Variants in ZFAND3 observed in about 807,000 individuals in gnomAD.
The protein encoded by ZFAND3 is zinc finger AN1-type containing 3, also known as AN1-type zinc finger protein 3.
In ZFAND3, 10 loss-of-function variants were observed where a neutral mutation model predicts 29.6. The observed-to-expected ratio is 0.34, with a 90% CI of 0.21 to 0.57. The LOEUF is 0.57. Ranked by LOEUF, ZFAND3 falls within the 20% of genes least tolerant of loss-of-function variation. The pLI is 0.86. For missense variants in ZFAND3, 230 were observed against 304.5 expected (o/e 0.76, Z 1.82); for synonymous variants, 128 against 112.6 (o/e 1.14, Z -0.87).
intron 2 of ZFAND3, among the ~76,000 whole-genome samples, chr6:37,994,915 T>TG (rs893924840): frequency 5.3e-5 from 8 of 152,112 alleles, no homozygotes; most frequent in African/African-American, 1.9e-4. Flanking sequence ...TTATCCGGGG[T>TG]GGGGGTAAAG....
At chr6:37,962,640 C>T (rs111785551) in intron 2 of ZFAND3, among the ~76,000 whole-genome samples, 9 of 152,034 alleles carry the variant, frequency 5.9e-5, no homozygotes, top group Non-Finnish European at 1.2e-4. Context: ...CCAATCAGCG[C>T]TCTGTGTCTA....
At chr6:37,839,942 T>G (rs188433861) in intron 1 of ZFAND3, among the ~76,000 whole-genome samples, 1 of 152,234 alleles carries the variant, frequency 6.6e-6, no homozygotes, top group East Asian at 1.9e-4. Flanking sequence ...CACAAAAGTT[T>G]TAATTTTGAT....
intron 1 of ZFAND3, among the ~76,000 whole-genome samples, chr6:37,871,058 A>G (rs1764687303): frequency 6.6e-6 from 1 of 152,124 alleles, no homozygotes; most frequent in Non-Finnish European, 1.5e-5. Context: ...TATTTCTCCA[A>G]ATATTTTTCT....
chr6:37,949,248 T>C (rs1761955301), intron 2 of ZFAND3, among the ~76,000 whole-genome samples: 1 of 152,182 alleles, frequency 6.6e-6, no homozygotes, highest in Admixed American at 6.5e-5. Flanking sequence ...TGGCCACATA[T>C]TTGTCTTTTG....
At chr6:37,902,340 C>T (rs888963229) in intron 1 of ZFAND3, among the ~76,000 whole-genome samples, 1 of 151,810 alleles carries the variant, frequency 6.6e-6, no homozygotes, top group African/African-American at 2.4e-5. Context: ...AGTGGCACAT[C>T]CCTGTAGTCC....
At chr6:37,916,428 G>A (rs1317764676) in intron 1 of ZFAND3, among the ~76,000 whole-genome samples, 1 of 152,054 alleles carries the variant, frequency 6.6e-6, no homozygotes, top group Non-Finnish European at 1.5e-5. Context: ...GAGAGGCCAA[G>A]GCAGGCAGAT....
intron 4 of ZFAND3, among the ~76,000 whole-genome samples, chr6:38,101,643 G>C (rs1041710934): frequency 2.0e-5 from 3 of 151,808 alleles, no homozygotes; most frequent in Non-Finnish European, 4.4e-5. Flanking sequence ...GCATGGTGGT[G>C]GGCACCTGTA....
rs961432735 is a variant in ZFAND3 at position 37,912,707 on chromosome 6, A to C, written c.72-17252A>C. ...ACTGTACTTAGTATTTCACAGTGTAAGCATATGATAGGGATATCAGAAAGA... is the reference window on the plus strand; with the variant it reads ...ACTGTACTTAGTATTTCACAGTGTACGCATATGATAGGGATATCAGAAAGA... On this transcript the variant is annotated intron_variant, in intron 1 of 5. Coordinates refer to ENST00000287218, the MANE Select transcript of ZFAND3 (RefSeq NM_021943.3). Among the ~76,000 whole-genome samples, 11 of 152,334 alleles carry C rather than the reference A, an allele frequency of 7.2e-5. No homozygotes were observed. In the East Asian group the frequency reaches 2.1e-3, roughly 29 times the overall value.
intron 4 of ZFAND3, among the ~76,000 whole-genome samples, chr6:38,100,467 T>C (rs1033949045): frequency 2.0e-5 from 3 of 152,204 alleles, no homozygotes; most frequent in Admixed American, 6.5e-5. Context: ...TAGGTTCTTA[T>C]TGGTGTTGGA....
intron 5 of ZFAND3, among the ~76,000 whole-genome samples, chr6:38,136,577 T>C (rs1765845413): frequency 6.6e-6 from 1 of 152,274 alleles, no homozygotes; most frequent in South Asian, 2.1e-4. Flanking sequence ...TCTTTGTTAG[T>C]ATTAAATACT....
intron 5 of ZFAND3, among the ~76,000 whole-genome samples, chr6:38,130,967 T>G (rs1369132234): frequency 2.6e-5 from 4 of 152,186 alleles, no homozygotes; most frequent in Non-Finnish European, 1.5e-5. Flanking sequence ...TATTTTTAAT[T>G]AGCATTTCAG....
At chr6:37,849,295 C>T (rs1288373916) in intron 1 of ZFAND3, among the ~76,000 whole-genome samples, 1 of 152,080 alleles carries the variant, frequency 6.6e-6, no homozygotes, top group African/African-American at 2.4e-5. Context: ...GACTTTTTCC[C>T]CTCTCTTCTT....
chr6:37,918,829 G>A (rs1376528309), intron 1 of ZFAND3, among the ~76,000 whole-genome samples: 3 of 151,962 alleles, frequency 2.0e-5, no homozygotes, highest in African/African-American at 4.8e-5. Flanking sequence ...GAAAAATAAG[G>A]TCAGATAATA....
intron 4 of ZFAND3, among the ~76,000 whole-genome samples, chr6:38,089,387 C>G (rs1764821358): frequency 6.6e-6 from 1 of 152,154 alleles, no homozygotes; most frequent in Non-Finnish European, 1.5e-5. Context: ...CTCGGCCTCC[C>G]AAAGTGCTGG....
intron 2 of ZFAND3, among the ~76,000 whole-genome samples, chr6:37,941,099 C>T (rs1394118167): frequency 3.3e-5 from 5 of 152,166 alleles, no homozygotes; most frequent in African/African-American, 1.2e-4. Flanking sequence ...TTTATAGCTC[C>T]ATTTTACAGA....
chr6:37,856,555 G>A (rs962489044), intron 1 of ZFAND3, among the ~76,000 whole-genome samples: 2 of 152,028 alleles, frequency 1.3e-5, no homozygotes, highest in Non-Finnish European at 2.9e-5. Flanking sequence ...CTTCCATTTA[G>A]TCAGGGGCAC....
chr6:37,868,887 G>A (rs1267466890), intron 1 of ZFAND3, among the ~76,000 whole-genome samples: 1 of 152,156 alleles, frequency 6.6e-6, no homozygotes, highest in South Asian at 2.1e-4. Context: ...TATTTTTCTG[G>A]AAGTGTTCAA....
At chr6:37,848,981 T>G (rs779733982) in intron 1 of ZFAND3, among the ~76,000 whole-genome samples, 2 of 152,176 alleles carry the variant, frequency 1.3e-5, no homozygotes, top group African/African-American at 2.4e-5. Flanking sequence ...AAACATCATG[T>G]TTTTCTGTGG....
At chr6:37,910,837 G>A (rs1331010712) in intron 1 of ZFAND3, among the ~76,000 whole-genome samples, 14 of 152,114 alleles carry the variant, frequency 9.2e-5, no homozygotes, top group Non-Finnish European at 2.9e-5. Flanking sequence ...TTAACATGAT[G>A]TCCTCCAGGT....
Sources: allele counts gnomAD v4.1 joint callset (sites outside exome capture counted in the v4.1 genomes callset), GRCh38; gene constraint gnomAD v4.1.1; transcripts MANE v1.5; gene names NCBI Gene and HGNC (gene_info 2026-07-23, HGNC 2026-07-21).